HIF1A: variants seen among roughly 807,000 people sequenced by gnomAD.
HIF1A encodes hypoxia-inducible factor 1-alpha.
Under a neutral mutation model 92.7 loss-of-function variants are expected in HIF1A, and 24 were observed. The ratio of observed to expected loss-of-function variants is 0.26; its 90% CI spans 0.19 to 0.36. The LOEUF is 0.36. Ranked by LOEUF, HIF1A falls within the 10% of genes least tolerant of loss-of-function variation. HIF1A has a pLI of 1.00. For missense variants in HIF1A, 799 were observed against 998.5 expected (o/e 0.80, Z 2.69); for synonymous variants, 319 against 338.7 (o/e 0.94, Z 0.64).
chr14:61,714,700 G>A (rs1340700848), intron 1 of HIF1A, among the ~76,000 whole-genome samples: 2 of 151,926 alleles, frequency 1.3e-5, no homozygotes, highest in Non-Finnish European at 2.9e-5. Flanking sequence ...CATTAATTTG[G>A]CCTAATACAA....
intron 1 of HIF1A, among the ~76,000 whole-genome samples, 171 bp downstream of exon 1, chr14:61,696,010 C>A (rs553774297): frequency 6.6e-6 from 1 of 152,250 alleles, no homozygotes; most frequent in Non-Finnish European, 1.5e-5. Flanking sequence ...CCGGGCTCCC[C>A]CGCTGTCCAC....
Position 61,741,181 on chromosome 14 carries a change from A to G in HIF1A, c.2086A>G (p.Ser696Gly). ...CCCTAACGTGTTATCTGTCGCTTTG[A>G]GTCAAAGGTATTTATATGTAACATT... Reference protein sequence around the residue: ...RSPNVLSVALSQRTTVPEEEL... With the variant: ...RSPNVLSVALGQRTTVPEEEL... Residue 696 changes from serine (S) to glycine (G), a missense_variant, in exon 12 of 15, where the codon AGT (serine) becomes GGT (glycine). By Grantham distance (56) the Ser-to-Gly change is moderately conservative. This residue lies in a region of HIF1A where 283 missense variants were observed against 277.5 expected (regional missense o/e 1.02). Coordinates refer to ENST00000337138, the MANE Select transcript of HIF1A (RefSeq NM_001530.4). 6.3e-7 allele frequency: 1 copy of G among 1,588,984 alleles called. No homozygotes were observed.
intron 1 of HIF1A, among the ~76,000 whole-genome samples, chr14:61,710,742 C>A (rs2044296293): frequency 6.6e-6 from 1 of 151,840 alleles, no homozygotes; most frequent in Non-Finnish European, 1.5e-5. Context: ...ATATAAAATA[C>A]TTGTCTAAAA....
intron 1 of HIF1A, among the ~76,000 whole-genome samples, 170 bp downstream of exon 1, chr14:61,696,009 C>T (rs1433568092): frequency 1.3e-5 from 2 of 152,220 alleles, no homozygotes; most frequent in East Asian, 1.9e-4. Flanking sequence ...GCCGGGCTCC[C>T]CCGCTGTCCA....
intron 10 of HIF1A, 58 bp downstream of exon 10, chr14:61,738,431 G>A: frequency 7.2e-7 from 1 of 1,382,676 alleles, no homozygotes; most frequent in Admixed American, 2.3e-5. Flanking sequence ...ATTCAAGAAT[G>A]TATTTATAAG....
Position 61,740,901 on chromosome 14 carries a change from C to T in HIF1A, c.1806C>T (p.Phe602=). 2 of 1,614,170 alleles carry T rather than the reference C, an allele frequency of 1.2e-6. No individual in the cohort carries two copies. Among genetic ancestry groups the T allele is most frequent in the Non-Finnish European group, 1.7e-6 (2 of 1,180,036 alleles). ...GTCCTCAAAGCACAGTTACAGTATTCCAGCAGACTCAAATACAAGAACCTA... is the reference window on the plus strand; with the variant it reads ...GTCCTCAAAGCACAGTTACAGTATTTCAGCAGACTCAAATACAAGAACCTA... The part of the protein sequence containing the change: ...SASPQSTVTV[F]QQTQIQEPTA... The change falls in exon 12 of 15, where the codon TTC becomes TTT. Residue 602 remains phenylalanine (F), a synonymous_variant. Coordinates refer to ENST00000337138, the MANE Select transcript of HIF1A (RefSeq NM_001530.4).
chr14:61,703,764 T>C (rs2044204405), intron 1 of HIF1A, among the ~76,000 whole-genome samples: 1 of 152,190 alleles, frequency 6.6e-6, no homozygotes, highest in Non-Finnish European at 1.5e-5. Flanking sequence ...TGTAGCATAT[T>C]TGATGGTCTT....
At position 61,711,178 on chromosome 14, in the gene HIF1A, A is replaced by G. The variant is rs145350642; in HGVS notation, c.36-9204A>G. On this transcript the variant is annotated intron_variant, in intron 1 of 14. Transcript: ENST00000337138. ...CTGTTTCTGCCTGGGTTCGGAAAACATAAAGATGATAAAGATGTTTAAGTA... is the reference window on the plus strand; with the variant it reads ...CTGTTTCTGCCTGGGTTCGGAAAACGTAAAGATGATAAAGATGTTTAAGTA... 1.2e-4 allele frequency among the ~76,000 whole-genome samples: 18 copies of G among 151,560 alleles called. No individual in the cohort carries two copies. The East Asian group carries it at 3.3e-3, about 28-fold the overall frequency.
At chr14:61,717,425 G>A (rs1027627370) in intron 1 of HIF1A, among the ~76,000 whole-genome samples, 2 of 152,132 alleles carry the variant, frequency 1.3e-5, no homozygotes, top group Non-Finnish European at 2.9e-5. Context: ...ATTGGTTTCT[G>A]TCTAGACTCA....
intron 12 of HIF1A, among the ~76,000 whole-genome samples, chr14:61,743,041 A>G (rs2044733283): frequency 6.6e-6 from 1 of 152,180 alleles, no homozygotes; most frequent in Admixed American, 6.5e-5. Flanking sequence ...GTCAAAGCCA[A>G]AGTGTAACAA....
In HIF1A at chr14:61,721,564, AG is replaced by A; in HGVS notation, c.283del (p.Ala95ProfsTer15). 1 of 1,613,308 alleles carries A rather than the reference AG, an allele frequency of 6.2e-7. No individual in the cohort carries two copies. Among genetic ancestry groups the A allele is most frequent in the Non-Finnish European group, 8.5e-7 (1 of 1,179,402 alleles). On this transcript the variant is annotated frameshift_variant, in exon 3 of 15. Transcript: ENST00000337138. LOFTEE classifies it high-confidence loss of function. Reference protein sequence around the residue: ...KAQMNCFYLKALDGFVMVLTD... With the variant: ...KAQMNCFYLKXLDGFVMVLTD... Reference sequence around the variant, plus strand: ...CACAGATGAATTGCTTTTATTTGAAAGCCTTGGATGGTTTTGTTATGGTTCT... The same window carrying A: ...CACAGATGAATTGCTTTTATTTGAAACCTTGGATGGTTTTGTTATGGTTCT...
chr14:61,704,741 C>CT (rs1312737142), intron 1 of HIF1A, among the ~76,000 whole-genome samples: 1 of 152,136 alleles, frequency 6.6e-6, no homozygotes, highest in Non-Finnish European at 1.5e-5. Flanking sequence ...ACTCAGGCAC[C>CT]TAACTATTAT....
chr14:61,741,856 G>C (rs2044716454), intron 12 of HIF1A, among the ~76,000 whole-genome samples: 1 of 151,990 alleles, frequency 6.6e-6, no homozygotes, highest in Non-Finnish European at 1.5e-5. Context: ...CCATTTCTTA[G>C]AGCTCTTTTT....
chr14:61,745,579 G>A, intron 13 of HIF1A, 112 bp from the exon 14 acceptor site: 1 of 796,140 alleles, frequency 1.3e-6, no homozygotes, highest in East Asian at 2.5e-5. Context: ...ATTTAGGGTA[G>A]TATTTAAGAA....
At position 61,695,543 on chromosome 14, in the gene HIF1A, A is replaced by G. The variant is rs187003109; in HGVS notation, c.-262A>G. On this transcript the variant is annotated 5_prime_UTR_variant, in exon 1 of 15. Coordinates refer to ENST00000337138, the MANE Select transcript of HIF1A (RefSeq NM_001530.4). ...ACAGTGCTGCCTCGTCTGAGGGGAC[A>G]GGAGGATCACCCTCTTCGTCGCTTC... 6.2e-4 allele frequency: 337 copies of G among 544,798 alleles called. 3 individuals carry two copies. The East Asian group carries it at 0.011, about 17-fold the overall frequency. 33.7% of individuals were successfully genotyped at this position (544,798 alleles called of 1,614,324 possible).
intron 1 of HIF1A, among the ~76,000 whole-genome samples, chr14:61,708,807 C>T (rs972729901): frequency 1.1e-4 from 16 of 152,262 alleles, no homozygotes; most frequent in African/African-American, 3.4e-4. Context: ...AGAATTCTTC[C>T]AGGGGACTGT....
At chr14:61,745,160 C>G (rs1268447205) in intron 13 of HIF1A, among the ~76,000 whole-genome samples, 1 of 152,164 alleles carries the variant, frequency 6.6e-6, no homozygotes, top group Non-Finnish European at 1.5e-5. Flanking sequence ...CACAGTGCCT[C>G]ACGCCTGTAA....
Position 61,741,060 on chromosome 14 carries a change from A to G in HIF1A, c.1965A>G (p.Thr655=). The G allele has an allele frequency of 6.2e-7, 1 of 1,614,042 alleles. No homozygotes were observed. The highest frequency in any genetic ancestry group is 8.5e-7 in the Non-Finnish European group (1 of 1,179,854). Residue 655 remains threonine, a synonymous_variant, in exon 12 of 15, where the codon ACA becomes ACG. Coordinates refer to ENST00000337138, the MANE Select transcript of HIF1A (RefSeq NM_001530.4). ...TACATAAAGAAACTACTAGTGCCAC[A>G]TCATCACCATATAGAGATACTCAAA... ...THIHKETTSA[T]SSPYRDTQSR...
chr14:61,702,708 T>G (rs1594856248), intron 1 of HIF1A, among the ~76,000 whole-genome samples: 1 of 152,318 alleles, frequency 6.6e-6, no homozygotes, highest in Non-Finnish European at 1.5e-5. Flanking sequence ...GGCTAAACTA[T>G]TTTAATGTTA....
Sources: allele counts gnomAD v4.1 joint callset (sites outside exome capture counted in the v4.1 genomes callset), GRCh38; gene constraint gnomAD v4.1.1; regional missense constraint gnomAD v4.1.1; transcripts MANE v1.5; gene names NCBI Gene and HGNC (gene_info 2026-07-23, HGNC 2026-07-21).